ZGRF1: variants seen among roughly 807,000 people sequenced by gnomAD.
ZGRF1 encodes the protein 5'-3' DNA helicase ZGRF1.
Under a neutral mutation model 203.5 loss-of-function variants are expected in ZGRF1, and 196 were observed. That is an observed-to-expected ratio of 0.96 (90% CI 0.86 to 1.08). ZGRF1 has a LOEUF of 1.08. Ranked by LOEUF, ZGRF1 falls within the 50% of genes least tolerant of loss-of-function variation. ZGRF1 has a pLI of 0.00. For missense variants in ZGRF1, 2,326 were observed against 2,416.3 expected (o/e 0.96, Z 0.78); for synonymous variants, 809 against 841.3 (o/e 0.96, Z 0.66).
At chr4:112,566,120 G>T (rs1743024529) in intron 16 of ZGRF1, among the ~76,000 whole-genome samples, 1 of 152,078 alleles carries the variant, frequency 6.6e-6, no homozygotes. Context: ...TAATAGACTG[G>T]ATTAAGAAAA....
At chr4:112,603,492 T>C (rs1173851432) in intron 10 of ZGRF1, 32 bp downstream of exon 10, 1 of 1,539,148 alleles carries the variant, frequency 6.5e-7, no homozygotes. Flanking sequence ...AGAAAATGAT[T>C]TGGCAAAATG....
At chr4:112,629,929 T>A in intron 3 of ZGRF1, 1 of 308,514 alleles carries the variant, frequency 3.2e-6, no homozygotes, top group South Asian at 2.5e-5. Flanking sequence ...TGAGGCAGGA[T>A]AATCACTTGA....
At chr4:112,609,298 C>T (rs978588164) in intron 8 of ZGRF1, 81 bp downstream of exon 8, 1 of 561,760 alleles carries the variant, frequency 1.8e-6, no homozygotes, top group Non-Finnish European at 3.0e-6. Flanking sequence ...TGTGATCCAC[C>T]CGCCTCAGCC....
intron 16 of ZGRF1, among the ~76,000 whole-genome samples, chr4:112,575,587 C>A (rs927047504): frequency 2.0e-5 from 3 of 152,200 alleles, no homozygotes; most frequent in African/African-American, 7.2e-5. Flanking sequence ...TCTAATACTG[C>A]GCTTTTCCAA....
At chr4:112,626,920 C>T (rs981912365) in intron 3 of ZGRF1, among the ~76,000 whole-genome samples, 3 of 152,116 alleles carry the variant, frequency 2.0e-5, no homozygotes, top group African/African-American at 7.2e-5. Flanking sequence ...ATTCTTGGGC[C>T]TCAATCTCTT....
chr4:112,577,560 C>T (rs1366149701), intron 16 of ZGRF1, among the ~76,000 whole-genome samples: 1 of 121,494 alleles, frequency 8.2e-6, no homozygotes, highest in African/African-American at 2.9e-5. Context: ...CACACATAGG[C>T]TCAAAATAAA....
At chr4:112,567,309 G>C (rs1743300206) in intron 16 of ZGRF1, among the ~76,000 whole-genome samples, 1 of 151,620 alleles carries the variant, frequency 6.6e-6, no homozygotes, top group South Asian at 2.1e-4. Context: ...GGAAAAATGA[G>C]TTCACAGGCC....
chr4:112,620,665 C>T (rs2047033403), intron 4 of ZGRF1, among the ~76,000 whole-genome samples: 1 of 152,014 alleles, frequency 6.6e-6, no homozygotes, highest in African/African-American at 2.4e-5. Context: ...TCAAGACCAC[C>T]CTAGTCAACA....
rs1740450962 is a variant in ZGRF1, at chr4:112,553,934, A to C, written c.5247T>G (p.His1749Gln). The C allele has an allele frequency of 7.4e-6, 12 of 1,613,072 alleles. No individual in the cohort carries two copies. Among genetic ancestry groups the C allele is most frequent in the Non-Finnish European group, 1.0e-5 (12 of 1,179,634 alleles). Residue 1749 changes from histidine to glutamine, a missense_variant, in exon 22 of 28, where the codon CAT becomes CAG. Coordinates refer to ENST00000505019, the MANE Select transcript of ZGRF1 (RefSeq NM_018392.5). ...ENESEQLKEL[H>Q]ALMKEDLTPT... ...GAGTCAGGTCTTCTTTCATTAGTGC[A>C]TGTAGTTCTTTTAACTGTTCACTTT...
At chr4:112,547,617 C>T (rs537364646) in intron 23 of ZGRF1, among the ~76,000 whole-genome samples, 4 of 152,258 alleles carry the variant, frequency 2.6e-5, no homozygotes, top group East Asian at 1.9e-4. Context: ...AGTTGCCCTC[C>T]CTGCACATAA....
chr4:112,593,495 G>A (rs769404277), intron 10 of ZGRF1, among the ~76,000 whole-genome samples: 2 of 152,170 alleles, frequency 1.3e-5, no homozygotes, highest in Non-Finnish European at 2.9e-5. Context: ...TGATTTCCCA[G>A]TGGCACGCAC....
At chr4:112,592,428 T>C (rs1748337964) in intron 10 of ZGRF1, among the ~76,000 whole-genome samples, 1 of 152,264 alleles carries the variant, frequency 6.6e-6, no homozygotes, top group Non-Finnish European at 1.5e-5. Context: ...TCTAAACTAA[T>C]TCTTACCCTA....
intron 22 of ZGRF1, among the ~76,000 whole-genome samples, chr4:112,548,618 CAT>C (rs1476962233): frequency 1.3e-5 from 2 of 150,884 alleles, no homozygotes; most frequent in Admixed American, 6.7e-5. Context: ...AAATAAAAGA[CAT>C]ATTTTGATAT....
intron 10 of ZGRF1, among the ~76,000 whole-genome samples, chr4:112,592,956 T>C (rs938667055): frequency 1.3e-5 from 2 of 152,170 alleles, no homozygotes; most frequent in Non-Finnish European, 2.9e-5. Context: ...CAGAGAATTC[T>C]CTCTCTTCAA....
At chr4:112,543,782 G>T (rs928420229) in intron 24 of ZGRF1, among the ~76,000 whole-genome samples, 1 of 152,108 alleles carries the variant, frequency 6.6e-6, no homozygotes, top group Non-Finnish European at 1.5e-5. Flanking sequence ...TTTTGGTTCC[G>T]CTTGAATTTT....
intron 3 of ZGRF1, among the ~76,000 whole-genome samples, chr4:112,628,359 A>G (rs1185655178): frequency 1.3e-5 from 2 of 152,228 alleles, no homozygotes; most frequent in Admixed American, 6.5e-5. Flanking sequence ...TATACATCTA[A>G]TAAGAGAAGA....
At position 112,579,867 on chromosome 4, in the gene ZGRF1, A is replaced by G. The variant is rs1745899998; in HGVS notation, c.4438+1796T>C. Among the ~76,000 whole-genome samples, 2 of 122,530 alleles carry G rather than the reference A, an allele frequency of 1.6e-5. 1 individual carries two copies. Among genetic ancestry groups the G allele is most frequent in the Non-Finnish European group, 3.6e-5 (2 of 54,932 alleles). The allele number at this position is 122,530 out of a possible 152,430, so 80.4% of individuals were successfully genotyped here. Reference sequence around the variant, plus strand: ...ACTGCCCAAGGTAATTTACAGATTCAATGCCATCCCCATCAAGCTACCAAT... The same window carrying G: ...ACTGCCCAAGGTAATTTACAGATTCGATGCCATCCCCATCAAGCTACCAAT... On this transcript the variant is annotated intron_variant, in intron 16 of 27. Transcript: ENST00000505019.
At chr4:112,589,958 T>C (rs1393103679) in intron 10 of ZGRF1, 84 bp from the exon 11 acceptor site, 2 of 990,276 alleles carry the variant, frequency 2.0e-6, no homozygotes, top group Non-Finnish European at 1.4e-6. Flanking sequence ...TAATCTATAT[T>C]ATAAAAATAA....
intron 10 of ZGRF1, among the ~76,000 whole-genome samples, chr4:112,601,566 CT>C (rs1181505647): frequency 1.3e-5 from 2 of 148,238 alleles, no homozygotes; most frequent in Non-Finnish European, 3.0e-5. Flanking sequence ...AGAGCAAGAC[CT>C]TGTCTAAAAA....
Sources: gnomAD v4.1 joint callset for allele counts (sites outside exome capture counted in the v4.1 genomes callset) on GRCh38, gnomAD v4.1.1 for gene constraint, MANE v1.5 for transcripts, NCBI Gene and HGNC (gene_info 2026-07-23, HGNC 2026-07-21) for gene names.